MBOAT1: variants seen among roughly 807,000 people sequenced by gnomAD.
MBOAT1 encodes the protein membrane bound glycerophospholipid O-acyltransferase 1.
In MBOAT1, 67 loss-of-function variants were observed where a neutral mutation model predicts 64.4. That is an observed-to-expected ratio of 1.04 (90% CI 0.85 to 1.27). The LOEUF (loss-of-function observed/expected upper bound fraction) is 1.27, where lower values mean the gene tolerates loss of function less well. MBOAT1 is among the 50% of genes most tolerant of loss of function. The pLI is 0.00. For synonymous variants in MBOAT1, 229 were observed against 218.9 expected (o/e 1.05, Z -0.41); for missense variants, 563 against 604.6 (o/e 0.93, Z 0.72).
At chr6:20,170,389 G>C (rs1035769161) in intron 1 of MBOAT1, among the ~76,000 whole-genome samples, 1 of 152,038 alleles carries the variant, frequency 6.6e-6, no homozygotes, top group African/African-American at 2.4e-5. Flanking sequence ...CTTCCTCTTT[G>C]ACTATTCCTC....
At chr6:20,118,364 T>C in intron 9 of MBOAT1, 73 bp downstream of exon 9, 1 of 1,216,282 alleles carries the variant, frequency 8.2e-7, no homozygotes, top group Non-Finnish European at 1.2e-6. Flanking sequence ...TGAAGCATTC[T>C]GGGGATACAA....
At chr6:20,196,117 C>T (rs937749325) in intron 1 of MBOAT1, among the ~76,000 whole-genome samples, 10 of 152,138 alleles carry the variant, frequency 6.6e-5, no homozygotes, top group East Asian at 5.8e-4. Context: ...AATGAGAGTT[C>T]GGGGGCCTAA....
chr6:20,102,182 G>T lies in MBOAT1; in HGVS notation c.*104C>A. On this transcript the variant is annotated 3_prime_UTR_variant, in exon 13 of 13. Coordinates refer to ENST00000324607, the MANE Select transcript of MBOAT1 (RefSeq NM_001080480.3). ...CTTTAAAAAAGAACAAAATAAAGAT[G>T]CATGTAAACATCGCCTCTAAGCCAC... 4 of 820,928 alleles carry T rather than the reference G, an allele frequency of 4.9e-6. No homozygotes were observed. The highest frequency in any genetic ancestry group is 7.2e-6 in the Non-Finnish European group (4 of 553,504). 50.9% of individuals were successfully genotyped at this position (820,928 alleles called of 1,614,324 possible). A position where few individuals can be genotyped will look rare whatever the true frequency, so the allele number is the denominator to read the frequency against.
chr6:20,171,738 T>A (rs182132337), intron 1 of MBOAT1, among the ~76,000 whole-genome samples: 1 of 151,456 alleles, frequency 6.6e-6, no homozygotes. Flanking sequence ...TACATCCTTA[T>A]AGAAGAAAAA....
chr6:20,185,145 G>A (rs192198512), intron 1 of MBOAT1, among the ~76,000 whole-genome samples: 65 of 152,164 alleles, frequency 4.3e-4, no homozygotes, highest in South Asian at 3.9e-3. Context: ...AGCTACTCAG[G>A]AGGGTGAGGT....
chr6:20,204,666 G>A (rs993900820), intron 1 of MBOAT1, among the ~76,000 whole-genome samples: 1 of 152,182 alleles, frequency 6.6e-6, no homozygotes, highest in African/African-American at 2.4e-5. Flanking sequence ...CCTCCAAGGA[G>A]AAGGAAGTGT....
At chr6:20,178,588 T>C (rs985761374) in intron 1 of MBOAT1, among the ~76,000 whole-genome samples, 1 of 152,210 alleles carries the variant, frequency 6.6e-6, no homozygotes, top group Non-Finnish European at 1.5e-5. Flanking sequence ...CGCTAATCCC[T>C]GGAACACATG....
intron 3 of MBOAT1, among the ~76,000 whole-genome samples, chr6:20,150,060 T>A (rs543190011): frequency 6.6e-6 from 1 of 152,152 alleles, no homozygotes; most frequent in African/African-American, 2.4e-5. Context: ...AGAACTTACA[T>A]TGCAGCATTC....
intron 1 of MBOAT1, among the ~76,000 whole-genome samples, chr6:20,193,295 C>T (rs150012947): frequency 1.7e-4 from 26 of 152,014 alleles, no homozygotes; most frequent in Admixed American, 1.1e-3. Flanking sequence ...CGTGAGCCAC[C>T]GCGCCCGGCC....
intron 1 of MBOAT1, among the ~76,000 whole-genome samples, chr6:20,155,229 G>C (rs1221451693): frequency 6.6e-6 from 1 of 152,190 alleles, no homozygotes; most frequent in Non-Finnish European, 1.5e-5. Flanking sequence ...GCCCACGCTA[G>C]ACCTACTGAA....
At chr6:20,145,151 C>T (rs1204339857) in intron 3 of MBOAT1, among the ~76,000 whole-genome samples, 1 of 152,126 alleles carries the variant, frequency 6.6e-6, no homozygotes, top group African/African-American at 2.4e-5. Flanking sequence ...GAGGTGGGAC[C>T]TTTGGGAGGT....
In MBOAT1 at chr6:20,115,358, A is replaced by G; in HGVS notation, c.1012-6T>C. The G allele has an allele frequency of 1.2e-6, 2 of 1,611,640 alleles. No individual in the cohort carries two copies. Among genetic ancestry groups the G allele is most frequent in the South Asian group, 2.2e-5 (2 of 91,024 alleles). The stretch of plus-strand genomic sequence containing the variant: ...ATTTTGAAACTTGTGGCAGTCTGGA[A>G]AGAAGAAAATAACACCTATCATTAG... On this transcript the variant is annotated splice_region_variant and splice_polypyrimidine_tract_variant and intron_variant, in intron 9 of 12. Coordinates refer to ENST00000324607, the MANE Select transcript of MBOAT1 (RefSeq NM_001080480.3).
intron 1 of MBOAT1, among the ~76,000 whole-genome samples, chr6:20,196,629 G>A (rs192270663): frequency 6.6e-6 from 1 of 152,302 alleles, no homozygotes; most frequent in Admixed American, 6.5e-5. Context: ...GGGAGGCCAA[G>A]GCAGGTGGAT....
chr6:20,117,746 A>C (rs557476695), intron 9 of MBOAT1, among the ~76,000 whole-genome samples: 1 of 152,354 alleles, frequency 6.6e-6, no homozygotes, highest in African/African-American at 2.4e-5. Flanking sequence ...CTGGCTAGGA[A>C]TGCAACGCTT....
rs755615744 is a variant in MBOAT1, at chr6:20,141,359, C to CTTTTT, written c.419+2856_419+2860dup. Among the ~76,000 whole-genome samples the CTTTTT allele has an allele frequency of 4.4e-4, 44 of 99,626 alleles. 1 individual carries two copies. Among genetic ancestry groups the CTTTTT allele is most frequent in the Non-Finnish European group, 6.7e-4 (31 of 46,600 alleles). The allele number at this position is 99,626 out of a possible 152,430, so 65.4% of individuals were successfully genotyped here. A position where few individuals can be genotyped will look rare whatever the true frequency, so the allele number is the denominator to read the frequency against. ...CATTTTTTCTTTTCTTTTTCTTTTTCTTTTTTTTTTTTTTTTTTTTGACAC... is the reference window on the plus strand; with the variant it reads ...CATTTTTTCTTTTCTTTTTCTTTTTCTTTTTTTTTTTTTTTTTTTTTTTTTGACAC... On this transcript the variant is annotated intron_variant, in intron 4 of 12. Transcript: ENST00000324607.
chr6:20,149,062 C>G (rs1581424054), intron 3 of MBOAT1, among the ~76,000 whole-genome samples: 1 of 148,424 alleles, frequency 6.7e-6, no homozygotes, highest in East Asian at 2.0e-4. Flanking sequence ...GATCACATCA[C>G]TGCACTCCAG....
intron 1 of MBOAT1, among the ~76,000 whole-genome samples, chr6:20,160,938 C>T (rs1276790486): frequency 6.6e-6 from 1 of 152,144 alleles, no homozygotes; most frequent in Non-Finnish European, 1.5e-5. Context: ...GATTGATAAT[C>T]AATGTACACA....
At chr6:20,204,269 G>A (rs72826635) in intron 1 of MBOAT1, among the ~76,000 whole-genome samples, 5,935 of 152,324 alleles carry the variant, frequency 0.039, 124 homozygotes, top group Non-Finnish European at 0.053. Flanking sequence ...TCCTCTGGCA[G>A]TGGTGTGTGC....
At chr6:20,151,285 G>A (rs1761486651) in intron 2 of MBOAT1, 23 bp from the exon 3 acceptor site, 2 of 1,525,964 alleles carry the variant, frequency 1.3e-6, no homozygotes, top group Admixed American at 1.7e-5. Flanking sequence ...ATAGTAGGGG[G>A]AGGAGTAATG....
Sources: gnomAD v4.1 joint callset for allele counts (sites outside exome capture counted in the v4.1 genomes callset) on GRCh38, gnomAD v4.1.1 for gene constraint, MANE v1.5 for transcripts, NCBI Gene and HGNC (gene_info 2026-07-23, HGNC 2026-07-21) for gene names.